SAXO1: variants seen among roughly 807,000 people sequenced by gnomAD.
SAXO1 encodes 4930500O09Rik.
SAXO1 carries 21 observed loss-of-function variants against 17.5 expected under a neutral mutation model. The ratio of observed to expected loss-of-function variants is 1.20; its 90% CI spans 0.85 to 1.72. The LOEUF (loss-of-function observed/expected upper bound fraction) is 1.72, where lower values mean the gene tolerates loss of function less well. Ranked by LOEUF, SAXO1 falls within the 40% of genes most tolerant of loss-of-function variation. The probability of loss-of-function intolerance (pLI) is 0.00; values close to 1 mark genes in which losing one functional copy is unlikely to be tolerated. For missense variants in SAXO1, 843 were observed against 596.0 expected, an observed-to-expected ratio of 1.41 and a Z score of -4.32; for synonymous variants, 274 against 216.5, an observed-to-expected ratio of 1.27 and a Z score of -2.33.
intron 1 of SAXO1, among the ~76,000 whole-genome samples, chr9:19,043,620 A>G (rs1836131388): frequency 6.6e-6 from 1 of 152,042 alleles, no homozygotes; most frequent in Non-Finnish European, 1.5e-5. Flanking sequence ...TACAAAAATT[A>G]GCCAGGCATG....
intron 3 of SAXO1, among the ~76,000 whole-genome samples, chr9:18,934,037 A>T (rs1831182091): frequency 6.6e-6 from 1 of 151,366 alleles, no homozygotes; most frequent in Non-Finnish European, 1.5e-5. Flanking sequence ...ACAGAGCGAG[A>T]CTCCGTCTCA....
chr9:18,984,721 A>T (rs527767407), intron 1 of SAXO1, among the ~76,000 whole-genome samples: 2 of 152,226 alleles, frequency 1.3e-5, no homozygotes, highest in South Asian at 4.1e-4. Context: ...AACTTTCTCC[A>T]TATCACTAAA....
chr9:18,971,531 G>C (rs1159451813), intron 1 of SAXO1, among the ~76,000 whole-genome samples: 1 of 152,034 alleles, frequency 6.6e-6, no homozygotes, highest in Non-Finnish European at 1.5e-5. Flanking sequence ...ATTCCTCTGA[G>C]TACCAAAAAT....
chr9:18,933,042 T>C (rs1381652242), intron 3 of SAXO1, among the ~76,000 whole-genome samples: 2 of 152,212 alleles, frequency 1.3e-5, no homozygotes, highest in African/African-American at 2.4e-5. Context: ...ATTATTGCAC[T>C]AGCTAGAACC....
intron 1 of SAXO1, among the ~76,000 whole-genome samples, chr9:18,984,906 T>G (rs990669563): frequency 6.6e-6 from 1 of 152,148 alleles, no homozygotes; most frequent in Non-Finnish European, 1.5e-5. Flanking sequence ...TAACTAAGCT[T>G]AATTGTTTTG....
intron 1 of SAXO1, among the ~76,000 whole-genome samples, chr9:18,963,654 C>T (rs1024717010): frequency 3.3e-5 from 5 of 152,158 alleles, no homozygotes; most frequent in African/African-American, 4.8e-5. Context: ...TATCCTGAGA[C>T]TTTGCTGAAG....
At chr9:18,996,287 C>T (rs936988041) in intron 1 of SAXO1, among the ~76,000 whole-genome samples, 5 of 152,158 alleles carry the variant, frequency 3.3e-5, no homozygotes, top group African/African-American at 4.8e-5. Context: ...CAGCCATCCA[C>T]CACTTAATGA....
In SAXO1 at chr9:18,928,939, T is replaced by A. The variant is rs763062969; in HGVS notation, c.538A>T (p.Lys180Ter). The A allele has an allele frequency of 1.2e-6, 2 of 1,614,188 alleles. No individual in the cohort carries two copies. Among genetic ancestry groups the A allele is most frequent in the Non-Finnish European group, 8.5e-7 (1 of 1,180,036 alleles). The change falls in exon 4 of 4, where the codon AAA becomes TAA. Residue 180 changes from lysine (K) to a stop codon, truncating the protein, a stop_gained. Coordinates refer to ENST00000380534, the MANE Select transcript of SAXO1 (RefSeq NM_153707.4). LOFTEE classifies it low-confidence loss of function (END_TRUNC). Reference protein sequence around the residue: ...RTTHQDDYPIKGLVKTISCKP... With the variant: ...RTTHQDDYPI ...CAGCTTATGGTCTTCACAAGGCCTT[T>A]TATGGGGTAATCGTCCTGGTGTGTG... is the stretch of plus-strand genomic sequence containing the variant.
At chr9:18,933,924 T>A (rs1261792502) in intron 3 of SAXO1, among the ~76,000 whole-genome samples, 2 of 152,152 alleles carry the variant, frequency 1.3e-5, no homozygotes, top group African/African-American at 4.8e-5. Context: ...CGGGCGCCTG[T>A]AGTCCCAGCT....
chr9:18,946,990 G>A (rs372387882), intron 2 of SAXO1, among the ~76,000 whole-genome samples: 99 of 152,198 alleles, frequency 6.5e-4, no homozygotes, highest in African/African-American at 2.1e-3. Flanking sequence ...GGGAAAAGAA[G>A]TGAACAGAGC....
intron 3 of SAXO1, among the ~76,000 whole-genome samples, chr9:18,937,822 G>A (rs1031419531): frequency 4.6e-5 from 7 of 151,958 alleles, no homozygotes; most frequent in South Asian, 2.1e-4. Flanking sequence ...TCAGAACTGC[G>A]AGAAATAAAT....
rs777751519 is a variant in SAXO1, at chr9:18,928,254, T to G, written c.1223A>C (p.Tyr408Ser). 29 of 1,613,352 alleles carry G rather than the reference T, an allele frequency of 1.8e-5. No individual in the cohort carries two copies. The highest frequency in any genetic ancestry group is 2.3e-5 in the Non-Finnish European group (27 of 1,179,528). Residue 408 changes from tyrosine to serine, a missense_variant, in exon 4 of 4, where the codon TAC (tyrosine) becomes TCC (serine). Tyr to Ser is a moderately radical substitution (Grantham distance 144). Coordinates refer to ENST00000380534, the MANE Select transcript of SAXO1 (RefSeq NM_153707.4). The part of the protein sequence containing the change: ...GNVPVESQTT[Y>S]TISFTPKEMG... ...TTCCTTGGGAGTAAAGCTGATGGTGTAGGTGGTCTGGCTTTCCACAGGGAC... is the reference window on the plus strand; with the variant it reads ...TTCCTTGGGAGTAAAGCTGATGGTGGAGGTGGTCTGGCTTTCCACAGGGAC...
chr9:19,030,177 G>C (rs940849356), intron 1 of SAXO1, among the ~76,000 whole-genome samples: 14 of 152,038 alleles, frequency 9.2e-5, no homozygotes, highest in African/African-American at 3.1e-4. Flanking sequence ...GAAAGGGAAA[G>C]GATAAGGATC....
chr9:18,978,514 T>C (rs989027843), intron 1 of SAXO1, among the ~76,000 whole-genome samples: 5 of 152,226 alleles, frequency 3.3e-5, no homozygotes, highest in Non-Finnish European at 5.9e-5. Context: ...TTCTGCTTTA[T>C]AAACAATCTC....
chr9:18,979,241 A>G (rs974308557), intron 1 of SAXO1, among the ~76,000 whole-genome samples: 2 of 152,234 alleles, frequency 1.3e-5, no homozygotes, highest in Non-Finnish European at 2.9e-5. Flanking sequence ...AACTGAGCAG[A>G]TTATTATATA....
At chr9:18,935,936 G>A (rs890249289) in intron 3 of SAXO1, among the ~76,000 whole-genome samples, 3 of 152,138 alleles carry the variant, frequency 2.0e-5, no homozygotes, top group Admixed American at 1.3e-4. Flanking sequence ...GGTGGGGATG[G>A]GGTGATGGAA....
At chr9:19,021,804 A>G (rs1302576404) in intron 1 of SAXO1, among the ~76,000 whole-genome samples, 1 of 146,136 alleles carries the variant, frequency 6.8e-6, no homozygotes, top group Non-Finnish European at 1.5e-5. Flanking sequence ...GTGTCTAGCT[A>G]AAGCATTGTA....
intron 1 of SAXO1, among the ~76,000 whole-genome samples, chr9:19,006,969 C>T (rs1478451907): frequency 6.6e-6 from 1 of 151,878 alleles, no homozygotes; most frequent in Non-Finnish European, 1.5e-5. Context: ...CACGTGAACC[C>T]GGGAGGCAAA....
intron 1 of SAXO1, among the ~76,000 whole-genome samples, chr9:18,977,510 T>C (rs1833198134): frequency 6.6e-6 from 1 of 152,170 alleles, no homozygotes; most frequent in Non-Finnish European, 1.5e-5. Flanking sequence ...CGGTGAGATA[T>C]ATAGCTGATA....
Sources: gnomAD v4.1 joint callset for allele counts (sites outside exome capture counted in the v4.1 genomes callset) on GRCh38, gnomAD v4.1.1 for gene constraint, MANE v1.5 for transcripts, NCBI Gene and HGNC (gene_info 2026-07-23, HGNC 2026-07-21) for gene names.